DLG2: variants seen among roughly 807,000 people sequenced by gnomAD.
DLG2 encodes disks large homolog 2.
DLG2 carries 45 observed loss-of-function variants against 132.5 expected under a neutral mutation model. That is an observed-to-expected ratio of 0.34 (90% CI 0.27 to 0.44). DLG2 has a LOEUF of 0.44. Ranked by LOEUF, DLG2 falls within the 20% of genes least tolerant of loss-of-function variation. The pLI is 1.00. For missense variants in DLG2, 1,045 were observed against 1,196.9 expected (o/e 0.87, Z 1.87); for synonymous variants, 424 against 419.6 (o/e 1.01, Z -0.13).
intron 15 of DLG2, among the ~76,000 whole-genome samples, chr11:83,923,374 C>G (rs887233047): frequency 7.2e-5 from 11 of 152,080 alleles, no homozygotes; most frequent in Non-Finnish European, 1.5e-4. Context: ...GGAATTGAGG[C>G]TCTGAGGGTG....
intron 6 of DLG2, among the ~76,000 whole-genome samples, chr11:84,758,740 A>G (rs1201592195): frequency 1.3e-5 from 2 of 152,240 alleles, no homozygotes; most frequent in Non-Finnish European, 2.9e-5. Flanking sequence ...AGAAGAACAT[A>G]TTAACATTTC....
chr11:84,028,945 C>T (rs1376288570), intron 11 of DLG2, among the ~76,000 whole-genome samples: 1 of 152,016 alleles, frequency 6.6e-6, no homozygotes, highest in African/African-American at 2.4e-5. Flanking sequence ...CTTTATAGCT[C>T]TATCTTCTTA....
intron 19 of DLG2, 61 bp from the exon 20 acceptor site, chr11:83,541,919 T>G: frequency 5.4e-6 from 8 of 1,489,172 alleles, no homozygotes; most frequent in Non-Finnish European, 7.2e-6. Context: ...ATTTAGGATT[T>G]ATGGTTTCAA....
At chr11:83,646,423 G>A (rs1228797047) in intron 18 of DLG2, among the ~76,000 whole-genome samples, 1 of 151,904 alleles carries the variant, frequency 6.6e-6, no homozygotes, top group Non-Finnish European at 1.5e-5. Context: ...AAGAAGGAAG[G>A]AAAAGCTCTA....
At chr11:85,180,207 CAT>C (rs1436646378) in intron 4 of DLG2, among the ~76,000 whole-genome samples, 2 of 151,900 alleles carry the variant, frequency 1.3e-5, no homozygotes, top group Non-Finnish European at 2.9e-5. Flanking sequence ...CACACACACA[CAT>C]AAGCACATAT....
At chr11:85,155,351 C>T (rs537829007) in intron 4 of DLG2, among the ~76,000 whole-genome samples, 5 of 152,226 alleles carry the variant, frequency 3.3e-5, no homozygotes, top group Non-Finnish European at 7.4e-5. Context: ...TTGGCAGCAT[C>T]GATGAAATTG....
intron 8 of DLG2, among the ~76,000 whole-genome samples, chr11:84,193,364 C>A (rs2096453032): frequency 6.6e-6 from 1 of 152,064 alleles, no homozygotes; most frequent in African/African-American, 2.4e-5. Context: ...ATAAGCAGGA[C>A]AGAGAGAAGA....
intron 3 of DLG2, among the ~76,000 whole-genome samples, chr11:85,382,022 A>G (rs1483339247): frequency 6.6e-6 from 1 of 152,146 alleles, no homozygotes; most frequent in African/African-American, 2.4e-5. Flanking sequence ...GACATTGACA[A>G]GCTGATCCTA....
intron 3 of DLG2, among the ~76,000 whole-genome samples, chr11:85,296,698 G>A (rs2079242876): frequency 6.6e-6 from 1 of 151,216 alleles, no homozygotes. Context: ...GAATTTAAAT[G>A]AAAGTCTGTA....
At chr11:84,546,032 G>A (rs2154523057) in intron 6 of DLG2, among the ~76,000 whole-genome samples, 1 of 152,210 alleles carries the variant, frequency 6.6e-6, no homozygotes, top group East Asian at 1.9e-4. Context: ...CTGGGATTGT[G>A]AGAGTGACCC....
intron 3 of DLG2, among the ~76,000 whole-genome samples, chr11:85,462,395 C>T (rs186923115): frequency 9.0e-4 from 137 of 152,274 alleles, no homozygotes; most frequent in African/African-American, 3.1e-3. Context: ...AGACTTGGAA[C>T]CAACCCATAT....
intron 6 of DLG2, among the ~76,000 whole-genome samples, chr11:84,667,071 T>G (rs1250611371): frequency 6.6e-6 from 1 of 152,196 alleles, no homozygotes; most frequent in Non-Finnish European, 1.5e-5. Context: ...TGCCACAATT[T>G]AAAATATCCG....
chr11:83,868,143 C>G (rs964430747), intron 16 of DLG2, among the ~76,000 whole-genome samples: 3 of 151,992 alleles, frequency 2.0e-5, no homozygotes, highest in African/African-American at 7.3e-5. Context: ...CTAATGAATC[C>G]CCTCGTTTTT....
At chr11:83,539,180 T>G (rs558034765) in intron 20 of DLG2, among the ~76,000 whole-genome samples, 6 of 152,280 alleles carry the variant, frequency 3.9e-5, no homozygotes, top group Admixed American at 1.3e-4. Context: ...TCAATAAAAT[T>G]TATTCACCAT....
chr11:85,506,443 A>C (rs1390153113), intron 3 of DLG2, among the ~76,000 whole-genome samples: 1 of 145,778 alleles, frequency 6.9e-6, no homozygotes, highest in Non-Finnish European at 1.5e-5. Flanking sequence ...TTCAAAGGAC[A>C]TCTTTATTTC....
At chr11:85,516,898 A>G (rs1469045431) in intron 3 of DLG2, among the ~76,000 whole-genome samples, 1 of 152,128 alleles carries the variant, frequency 6.6e-6, no homozygotes, top group Non-Finnish European at 1.5e-5. Context: ...AATTGAGGGA[A>G]GGAAATCCTC....
chr11:84,651,755 C>A (rs939486530), intron 6 of DLG2, among the ~76,000 whole-genome samples: 1 of 152,064 alleles, frequency 6.6e-6, no homozygotes, highest in East Asian at 1.9e-4. Flanking sequence ...GAAAATGTAA[C>A]CTTGGAGACT....
At chr11:85,026,661 C>T (rs2060545232) in intron 6 of DLG2, among the ~76,000 whole-genome samples, 1 of 151,984 alleles carries the variant, frequency 6.6e-6, no homozygotes, top group African/African-American at 2.4e-5. Context: ...CACGGTGAAA[C>T]CCCATCTCTA....
intron 6 of DLG2, among the ~76,000 whole-genome samples, chr11:84,773,840 G>T (rs2069872033): frequency 6.6e-6 from 1 of 152,076 alleles, no homozygotes; most frequent in Non-Finnish European, 1.5e-5. Flanking sequence ...CATACTAAGT[G>T]GGCATAAGCT....
Sources: allele counts gnomAD v4.1 joint callset (sites outside exome capture counted in the v4.1 genomes callset), GRCh38; gene constraint gnomAD v4.1.1; transcripts MANE v1.5; gene names NCBI Gene and HGNC (gene_info 2026-07-23, HGNC 2026-07-21).